DYNC2LI1: variants seen among roughly 807,000 people sequenced by gnomAD.
DYNC2LI1 encodes the protein cytoplasmic dynein 2 light intermediate chain 1.
A neutral mutation model predicts 51.9 loss-of-function variants in DYNC2LI1; 45 were observed. The ratio of observed to expected loss-of-function variants is 0.87; its 90% confidence interval spans 0.68 to 1.11. The LOEUF is 1.11. Ranked by LOEUF, DYNC2LI1 falls within the 50% of genes most tolerant of loss-of-function variation. The pLI, the probability that DYNC2LI1 is intolerant of heterozygous loss-of-function variation, is 0.00. For missense variants in DYNC2LI1, 490 were observed against 417.4 expected (o/e 1.17, Z -1.51); for synonymous variants, 130 against 137.8 (o/e 0.94, Z 0.40).
chr2:43,784,586 C>T (rs767915816), intron 3 of DYNC2LI1, among the ~76,000 whole-genome samples: 16 of 152,092 alleles, frequency 1.1e-4, no homozygotes, highest in East Asian at 1.9e-4. Context: ...AGGCATGTGC[C>T]ACCACGCCGA....
the DYNC2LI1 span, chr2:43,826,495 T>C: frequency 6.2e-7 from 1 of 1,614,168 alleles, no homozygotes; most frequent in Non-Finnish European, 8.5e-7. Context: ...TCCAGGCCTG[T>C]GGTTGGCTCA....
chr2:43,799,318 C>T (rs951461751), intron 8 of DYNC2LI1, among the ~76,000 whole-genome samples: 19 of 152,002 alleles, frequency 1.2e-4, no homozygotes, highest in Non-Finnish European at 2.4e-4. Flanking sequence ...AACCAATATG[C>T]TCCTCGCCCC....
At chr2:43,824,232 C>T in the DYNC2LI1 span, 1 of 1,614,130 alleles carries the variant, frequency 6.2e-7, no homozygotes, top group Non-Finnish European at 8.5e-7. Flanking sequence ...AGGAGAACAC[C>T]CAGTTTAGAG....
intron 11 of DYNC2LI1, 27 bp downstream of exon 11, chr2:43,804,766 C>CTTGCTTTTA: frequency 6.8e-7 from 1 of 1,479,046 alleles, no homozygotes; most frequent in Non-Finnish European, 9.3e-7. Context: ...TTTTTAAAAG[C>CTTGCTTTTA]AAGACTTTTA....
intron 10 of DYNC2LI1, among the ~76,000 whole-genome samples, chr2:43,803,426 T>A (rs1201744348): frequency 6.6e-6 from 1 of 152,200 alleles, no homozygotes; most frequent in Non-Finnish European, 1.5e-5. Context: ...TAGAAAAGAT[T>A]ACATACAGTG....
At chr2:43,813,022 C>G, downstream of DYNC2LI1, 1 of 729,792 alleles carries the variant, frequency 1.4e-6, no homozygotes, top group Admixed American at 2.0e-5. Context: ...GATGTCCTGT[C>G]AAGAAAGAAA....
chr2:43,807,828 G>A (rs1666325624), intron 12 of DYNC2LI1, among the ~76,000 whole-genome samples: 1 of 148,076 alleles, frequency 6.8e-6, no homozygotes, highest in African/African-American at 2.5e-5. Flanking sequence ...AGTTATCTTC[G>A]GAAAACTTTA....
At chr2:43,793,807 A>C (rs1459769806) in intron 5 of DYNC2LI1, 1 of 152,288 alleles carries the variant, frequency 6.6e-6, no homozygotes, top group African/African-American at 2.4e-5. Context: ...TTTGATGGGC[A>C]TGAACAGAAT....
chr2:43,786,445 G>A (rs958425831), intron 3 of DYNC2LI1, among the ~76,000 whole-genome samples: 1 of 152,034 alleles, frequency 6.6e-6, no homozygotes, highest in African/African-American at 2.4e-5. Flanking sequence ...GCCTCCCAAA[G>A]TGCTAGGATT....
chr2:43,776,241 T>G (rs1039904585), intron 1 of DYNC2LI1, among the ~76,000 whole-genome samples: 2 of 151,938 alleles, frequency 1.3e-5, no homozygotes, highest in Non-Finnish European at 2.9e-5. Context: ...GGGATCTTCC[T>G]GTATTGCCTA....
At chr2:43,810,194 G>A (rs3792009), downstream of DYNC2LI1, among the ~76,000 whole-genome samples, 33,450 of 152,140 alleles carry the variant, frequency 0.22, 4,294 homozygotes, top group African/African-American at 0.34. Context: ...TGGGTTCACA[G>A]ATGTCAAAAT....
At chr2:43,823,952 C>A in the DYNC2LI1 span, 1 of 1,614,166 alleles carries the variant, frequency 6.2e-7, no homozygotes, top group Non-Finnish European at 8.5e-7. Flanking sequence ...TACGGGGTGG[C>A]GCCCACAAAC....
the DYNC2LI1 span, chr2:43,828,082 G>A: frequency 6.2e-7 from 1 of 1,614,118 alleles, no homozygotes; most frequent in South Asian, 1.1e-5. Flanking sequence ...TCTGCCACAT[G>A]GCTCAGACTC....
intron 12 of DYNC2LI1, among the ~76,000 whole-genome samples, chr2:43,806,377 G>A (rs1353195099): frequency 6.6e-6 from 1 of 152,202 alleles, no homozygotes; most frequent in Non-Finnish European, 1.5e-5. Context: ...GGGAGTAGGA[G>A]CCAGGGTTTT....
At chr2:43,775,557 G>C (rs1353924579) in intron 1 of DYNC2LI1, among the ~76,000 whole-genome samples, 1 of 151,564 alleles carries the variant, frequency 6.6e-6, no homozygotes, top group Non-Finnish European at 1.5e-5. Context: ...GGAGTGCAGT[G>C]ATGTCAACAT....
chr2:43,804,922 G>C (rs1317070055), intron 11 of DYNC2LI1, among the ~76,000 whole-genome samples, 183 bp downstream of exon 11: 1 of 151,524 alleles, frequency 6.6e-6, no homozygotes, highest in Non-Finnish European at 1.5e-5. Flanking sequence ...GGTAAGACAT[G>C]GTTCCTGCTC....
the DYNC2LI1 span, among the ~76,000 whole-genome samples, chr2:43,816,145 G>C: frequency 2.6e-5 from 4 of 152,194 alleles, no homozygotes; most frequent in African/African-American, 9.7e-5. Context: ...GATTTGGTGA[G>C]TGATGCAGTG....
At chr2:43,812,971 C>G, downstream of DYNC2LI1, 1 of 672,548 alleles carries the variant, frequency 1.5e-6, no homozygotes. Context: ...CTGCTTGGAT[C>G]CAAGAGGCAC....
chr2:43,783,707 C>T (rs1209734573), intron 3 of DYNC2LI1, among the ~76,000 whole-genome samples, 153 bp downstream of exon 3: 1 of 152,106 alleles, frequency 6.6e-6, no homozygotes, highest in African/African-American at 2.4e-5. Context: ...TTTAAGAGCG[C>T]CTTTAAATAT....
Sources: allele counts gnomAD v4.1 joint callset (sites outside exome capture counted in the v4.1 genomes callset), GRCh38; gene constraint gnomAD v4.1.1; transcripts MANE v1.5; gene names NCBI Gene and HGNC (gene_info 2026-07-23, HGNC 2026-07-21).